Variants in TRIM9 observed in about 807,000 individuals in gnomAD.
TRIM9 encodes the protein E3 ubiquitin-protein ligase TRIM9.
A neutral mutation model predicts 78.3 loss-of-function variants in TRIM9; 26 were observed. That is an observed-to-expected ratio of 0.33 (90% CI 0.24 to 0.46). The LOEUF (loss-of-function observed/expected upper bound fraction) is 0.46, where lower values mean the gene tolerates loss of function less well. Among genes scored for constraint, TRIM9 ranks in the 20% least tolerant of loss-of-function variants. The pLI is 1.00. For synonymous variants in TRIM9, 398 were observed against 416.5 expected, an observed-to-expected ratio of 0.96 and a Z score of 0.54; for missense variants, 787 against 1,036.4, an observed-to-expected ratio of 0.76 and a Z score of 3.30.
chr14:51,049,409 C>T (rs1431320882), intron 1 of TRIM9, among the ~76,000 whole-genome samples: 1 of 152,174 alleles, frequency 6.6e-6, no homozygotes, highest in African/African-American at 2.4e-5. Context: ...TCCTTTCAGG[C>T]ACATCTACTA....
intron 3 of TRIM9, among the ~76,000 whole-genome samples, chr14:51,018,557 T>C (rs920775779): frequency 6.6e-6 from 1 of 152,138 alleles, no homozygotes; most frequent in African/African-American, 2.4e-5. Context: ...ACATGGTAAA[T>C]AATAACAAAG....
intron 1 of TRIM9, among the ~76,000 whole-genome samples, chr14:51,081,530 C>G (rs1411411669): frequency 6.6e-6 from 1 of 152,176 alleles, no homozygotes; most frequent in Non-Finnish European, 1.5e-5. Flanking sequence ...ACCGACATCC[C>G]TAGGCGTCCT....
At chr14:50,990,813 G>A (rs1248901853) in intron 7 of TRIM9, among the ~76,000 whole-genome samples, 1 of 152,140 alleles carries the variant, frequency 6.6e-6, no homozygotes, top group Non-Finnish European at 1.5e-5. Flanking sequence ...TGTTAAAGAT[G>A]AGTTTCAACT....
intron 1 of TRIM9, among the ~76,000 whole-genome samples, chr14:51,089,647 A>T (rs188337280): frequency 6.6e-6 from 1 of 152,352 alleles, no homozygotes; most frequent in East Asian, 1.9e-4. Flanking sequence ...AAAACAGAAT[A>T]CTTTTGTTTA....
At chr14:51,019,039 T>A (rs2139730784) in intron 3 of TRIM9, among the ~76,000 whole-genome samples, 1 of 152,370 alleles carries the variant, frequency 6.6e-6, no homozygotes, top group South Asian at 2.1e-4. Context: ...GTGGCATATG[T>A]AAAGTTTCTG....
intron 1 of TRIM9, among the ~76,000 whole-genome samples, chr14:51,060,067 A>G (rs2061219651): frequency 6.6e-6 from 1 of 152,256 alleles, no homozygotes. Context: ...GGAGTCACAG[A>G]TAAATCACCT....
intron 3 of TRIM9, among the ~76,000 whole-genome samples, chr14:51,021,432 T>C (rs772090103): frequency 1.3e-5 from 2 of 152,186 alleles, no homozygotes; most frequent in Non-Finnish European, 2.9e-5. Context: ...TTCTATGACA[T>C]TGGGCACCTC....
intron 1 of TRIM9, among the ~76,000 whole-genome samples, chr14:51,041,622 A>C (rs2059583064): frequency 6.6e-6 from 1 of 152,260 alleles, no homozygotes; most frequent in Admixed American, 6.5e-5. Context: ...TAAGGCAGCC[A>C]GTATGGTATG....
chr14:51,075,703 A>G (rs2062712580), intron 1 of TRIM9, among the ~76,000 whole-genome samples: 1 of 152,206 alleles, frequency 6.6e-6, no homozygotes, highest in South Asian at 2.1e-4. Context: ...AAATGGAATT[A>G]AAAATGGCAG....
intron 1 of TRIM9, among the ~76,000 whole-genome samples, chr14:51,083,595 A>C (rs1164163059): frequency 6.6e-6 from 1 of 152,080 alleles, no homozygotes; most frequent in African/African-American, 2.4e-5. Context: ...ACGTCTGTGG[A>C]GTTAAGATGC....
At chr14:51,033,650 A>G (rs2058917973) in intron 1 of TRIM9, among the ~76,000 whole-genome samples, 1 of 152,184 alleles carries the variant, frequency 6.6e-6, no homozygotes, top group African/African-American at 2.4e-5. Context: ...CTAAAAAGGC[A>G]CTGTGATTTT....
In TRIM9 at chr14:50,977,108, G is replaced by A. The variant is rs143214473; in HGVS notation, c.*183C>T. On this transcript the variant is annotated 3_prime_UTR_variant, in exon 13 of 13. Transcript: ENST00000684578. ...TGGAAGCGGAAGCAGGCATGACAGC[G>A]GAGGAGAGGTTGAAAGGGAAAAGGG... The A allele has an allele frequency of 5.3e-5, 21 of 395,174 alleles. No homozygotes were observed. The highest frequency in any genetic ancestry group is 4.0e-4 in the Admixed American group (9 of 22,312). The allele number at this position is 395,174 out of a possible 1,614,324, so 24.5% of individuals were successfully genotyped here.
Position 51,073,948 on chromosome 14 carries a change from C to T in TRIM9, c.822+20170G>A, listed in dbSNP as rs112618455. On this transcript the variant is annotated intron_variant, in intron 1 of 12. Transcript: ENST00000684578. The stretch of plus-strand genomic sequence containing the variant: ...GTATGCTGGGGCTGGCTTGTACTGA[C>T]TTCCAAACATCAAGGTCAGCAACCT... Among the ~76,000 whole-genome samples, 54 of 152,272 alleles carry T rather than the reference C, an allele frequency of 3.5e-4. 2 individuals are homozygous for T. The highest frequency in any genetic ancestry group is 1.2e-3 in the African/African-American group (50 of 41,546).
Position 50,981,963 on chromosome 14 carries a change from C to T in TRIM9, c.1999G>A (p.Glu667Lys). 6.2e-7 allele frequency: 1 copy of T among 1,614,214 alleles called. No homozygotes were observed. The highest frequency in any genetic ancestry group is 8.5e-7 in the Non-Finnish European group (1 of 1,180,046). ...TGFSKGIHYW[E>K]LTVDRYDNHP... ...TTGTCATAGCGATCTACCGTGAGCT[C>T]CCAGTAGTGGATGCCCTTGGAGAAG... The change falls in exon 11 of 13, where the codon GAG (glutamate) becomes AAG (lysine). Residue 667 changes from glutamate (E) to lysine (K), a missense_variant. By Grantham distance (56) the Glu-to-Lys change is moderately conservative (BLOSUM62 1). This residue lies in a region of TRIM9 where 421 missense variants were observed against 514.3 expected (regional missense o/e 0.82). Transcript: ENST00000684578.
At chr14:51,027,448 G>A (rs971135291) in intron 1 of TRIM9, among the ~76,000 whole-genome samples, 9 of 151,268 alleles carry the variant, frequency 5.9e-5, no homozygotes, top group African/African-American at 2.2e-4. Context: ...CCAACCAGCT[G>A]TTAACTCTTA....
At chr14:50,999,078 A>C (rs972629061) in intron 6 of TRIM9, among the ~76,000 whole-genome samples, 2 of 152,168 alleles carry the variant, frequency 1.3e-5, no homozygotes, top group Non-Finnish European at 2.9e-5. Flanking sequence ...TCTTGTAAAA[A>C]TGCAGTTGCT....
chr14:51,031,800 G>A (rs2058751603), intron 1 of TRIM9, among the ~76,000 whole-genome samples: 1 of 152,234 alleles, frequency 6.6e-6, no homozygotes, highest in Admixed American at 6.5e-5. Context: ...GCAATGAGCT[G>A]ACCCTTCAGC....
At chr14:51,030,423 A>G (rs1317534581) in intron 1 of TRIM9, among the ~76,000 whole-genome samples, 1 of 152,210 alleles carries the variant, frequency 6.6e-6, no homozygotes, top group African/African-American at 2.4e-5. Flanking sequence ...ATGGACAGGA[A>G]TCCTCCAAGA....
At chr14:50,987,645 A>G (rs1376395092) in intron 7 of TRIM9, among the ~76,000 whole-genome samples, 3 of 152,178 alleles carry the variant, frequency 2.0e-5, no homozygotes, top group Non-Finnish European at 4.4e-5. Context: ...ATTATTTGTT[A>G]TAATCATCTT....
Sources: allele counts gnomAD v4.1 joint callset (sites outside exome capture counted in the v4.1 genomes callset), GRCh38; gene constraint gnomAD v4.1.1; regional missense constraint gnomAD v4.1.1; transcripts MANE v1.5; gene names NCBI Gene and HGNC (gene_info 2026-07-23, HGNC 2026-07-21).